The following RCBTB2 variants were observed in gnomAD, a reference collection of about 807,000 sequenced individuals.
RCBTB2 encodes the protein RCC1 and BTB domain-containing protein 2.
A neutral mutation model predicts 65.4 loss-of-function variants in RCBTB2; 55 were observed. The observed-to-expected ratio is 0.84, with a 90% confidence interval of 0.68 to 1.05. RCBTB2 has a LOEUF of 1.05. Ranked by LOEUF, RCBTB2 falls within the 50% of genes least tolerant of loss-of-function variation. The probability of loss-of-function intolerance (pLI) is 0.00; values close to 1 mark genes in which losing one functional copy is unlikely to be tolerated. For synonymous variants in RCBTB2, 220 were observed against 255.2 expected, an observed-to-expected ratio of 0.86 and a Z score of 1.31; for missense variants, 599 against 680.1, an observed-to-expected ratio of 0.88 and a Z score of 1.33.
At chr13:48,515,095 A>G in intron 6 of RCBTB2, 110 bp downstream of exon 6, 1 of 1,039,764 alleles carries the variant, frequency 9.6e-7, no homozygotes, top group East Asian at 2.4e-5. Context: ...TATGGTATCC[A>G]AAACATAGTC....
intron 10 of RCBTB2, chr13:48,504,239 G>T: frequency 8.1e-6 from 8 of 985,386 alleles, no homozygotes; most frequent in Non-Finnish European, 9.6e-6. Context: ...GTGCTGGCAG[G>T]TTAATCATCC....
chr13:48,517,912 TACGTCC>T (rs1286005408), intron 4 of RCBTB2, among the ~76,000 whole-genome samples: 10 of 152,082 alleles, frequency 6.6e-5, no homozygotes, highest in Admixed American at 2.0e-4. Flanking sequence ...GAGTGGACCC[TACGTCC>T]AATGACTAGT....
chr13:48,507,491 C>A (rs1206605233), intron 10 of RCBTB2, among the ~76,000 whole-genome samples: 1 of 152,186 alleles, frequency 6.6e-6, no homozygotes, highest in Admixed American at 6.5e-5. Flanking sequence ...AAAATCACTA[C>A]ATGTTGATAA....
At chr13:48,526,308 G>A (rs1436181347) in intron 1 of RCBTB2, among the ~76,000 whole-genome samples, 1 of 152,134 alleles carries the variant, frequency 6.6e-6, no homozygotes, top group East Asian at 1.9e-4. Flanking sequence ...AGCACTTTGA[G>A]GATCGCTTGA....
chr13:48,507,196 C>G (rs1365706867), intron 10 of RCBTB2, among the ~76,000 whole-genome samples: 4 of 152,182 alleles, frequency 2.6e-5, no homozygotes, highest in Non-Finnish European at 5.9e-5. Context: ...GGGTGGGGCG[C>G]GGATTTGGTT....
At chr13:48,513,438 A>G (rs1459378247) in intron 6 of RCBTB2, among the ~76,000 whole-genome samples, 3 of 152,236 alleles carry the variant, frequency 2.0e-5, no homozygotes. Flanking sequence ...TGCATCTTGC[A>G]TACAAATGTT....
chr13:48,532,740 C>G (rs1952228391), intron 1 of RCBTB2: 1 of 300,642 alleles, frequency 3.3e-6, no homozygotes, highest in Admixed American at 4.9e-5. Flanking sequence ...ACCGGGCCCA[C>G]GCCAGCGGAA....
At chr13:48,512,464 A>ATTTT in intron 7 of RCBTB2, among the ~76,000 whole-genome samples, 1 of 152,254 alleles carries the variant, frequency 6.6e-6, no homozygotes, top group South Asian at 2.1e-4. Context: ...GCATTTGGGG[A>ATTTT]TTTTTCTTAT....
At chr13:48,515,120 A>G (rs1951011287) in intron 6 of RCBTB2, 85 bp downstream of exon 6, 4 of 1,219,120 alleles carry the variant, frequency 3.3e-6, no homozygotes, top group African/African-American at 1.5e-5. Context: ...TCACAGGAAG[A>G]GCTAGCAACT....
chr13:48,509,747 A>G (rs1242300844), intron 10 of RCBTB2, among the ~76,000 whole-genome samples: 1 of 152,268 alleles, frequency 6.6e-6, no homozygotes, highest in Non-Finnish European at 1.5e-5. Context: ...GAGGCAGTTG[A>G]AAAATGACAA....
At chr13:48,499,859 G>A (rs997347565) in intron 12 of RCBTB2, 99 bp from the exon 13 acceptor site, 23 of 1,343,172 alleles carry the variant, frequency 1.7e-5, no homozygotes, top group African/African-American at 1.2e-4. Context: ...ACGCTGGCAC[G>A]TCCCTGCTGT....
Position 48,499,111 on chromosome 13 carries a change from A to AACACACACACACAC in RCBTB2, c.1384+496_1384+509dup, listed in dbSNP as rs142443945. Among the ~76,000 whole-genome samples the AACACACACACACAC allele has an allele frequency of 9.9e-3, 1,047 of 105,740 alleles. 12 individuals carry two copies. Among genetic ancestry groups the AACACACACACACAC allele is most frequent in the African/African-American group, 0.022 (503 of 23,048 alleles). 69.4% of individuals were successfully genotyped at this position (105,740 alleles called of 152,430 possible). On this transcript the variant is annotated intron_variant, in intron 13 of 14. Transcript: ENST00000344532. ...TTGCCTCTCTCCCGACCCCCACCCC[A>AACACACACACACAC]ACACACACACACACACACACACACA...
chr13:48,510,820 C>T, intron 9 of RCBTB2, 49 bp from the exon 10 acceptor site: 1 of 1,542,366 alleles, frequency 6.5e-7, no homozygotes, highest in Non-Finnish European at 8.9e-7. Context: ...GTAATTATTT[C>T]ACTGCTTCCA....
At chr13:48,495,070 A>C (rs2138413764) in intron 14 of RCBTB2, among the ~76,000 whole-genome samples, 1 of 152,306 alleles carries the variant, frequency 6.6e-6, no homozygotes, top group South Asian at 2.1e-4. Context: ...AAAAGTTATA[A>C]CCTTTCATCT....
chr13:48,507,553 T>C (rs2138506486), intron 10 of RCBTB2, among the ~76,000 whole-genome samples: 1 of 152,324 alleles, frequency 6.6e-6, no homozygotes. Context: ...ACTGCTGAGC[T>C]TATTGGCTAT....
intron 13 of RCBTB2, among the ~76,000 whole-genome samples, chr13:48,497,712 GTCTA>G (rs895665381): frequency 6.6e-6 from 1 of 152,150 alleles, no homozygotes; most frequent in Non-Finnish European, 1.5e-5. Flanking sequence ...TTGTTTTTGT[GTCTA>G]TCTGCTAATA....
At chr13:48,493,327 T>TCTCCACACACACACACACACACACACACA (rs1949819588) in intron 14 of RCBTB2, among the ~76,000 whole-genome samples, 62 of 125,190 alleles carry the variant, frequency 5.0e-4, no homozygotes, top group African/African-American at 2.5e-3. Context: ...TCTCTCTCTC[T>TCTCCACACACACACACACACACACACACA]CTCTCTCTCT....
intron 1 of RCBTB2, among the ~76,000 whole-genome samples, chr13:48,530,348 G>A (rs1952042985): frequency 1.3e-5 from 2 of 152,114 alleles, no homozygotes; most frequent in Non-Finnish European, 2.9e-5. Flanking sequence ...TTACATTTAT[G>A]GTCCTAGATT....
In RCBTB2 at chr13:48,488,966, T is replaced by G. The variant is rs1468801839; in HGVS notation, c.*1145A>C. Reference sequence around the variant, plus strand: ...AAAAAAAACCCCAACACATTTGTTCTGTTATCTGCAAATAAGCACTTTATT... The same window carrying G: ...AAAAAAAACCCCAACACATTTGTTCGGTTATCTGCAAATAAGCACTTTATT... On this transcript the variant is annotated 3_prime_UTR_variant, in exon 15 of 15. Coordinates refer to ENST00000344532, the MANE Select transcript of RCBTB2 (RefSeq NM_001268.4). The G allele has an allele frequency of 6.6e-6, 1 of 152,206 alleles. No homozygotes were observed. Among genetic ancestry groups the G allele is most frequent in the Non-Finnish European group, 1.5e-5 (1 of 68,036 alleles). The allele number at this position is 152,206 out of a possible 1,614,324, so 9.4% of individuals were successfully genotyped here.
Sources: gnomAD v4.1 joint callset for allele counts (sites outside exome capture counted in the v4.1 genomes callset) on GRCh38, gnomAD v4.1.1 for gene constraint, MANE v1.5 for transcripts, NCBI Gene and HGNC (gene_info 2026-07-23, HGNC 2026-07-21) for gene names.